Variants in AKR1C8 observed in about 807,000 individuals in gnomAD.
AKR1C8 encodes the protein aldo-keto reductase family 1 member C-like protein 1.
chr10:5,178,183 T>C, the AKR1C8 span, among the ~76,000 whole-genome samples: 2 of 152,232 alleles, frequency 1.3e-5, no homozygotes, highest in Admixed American at 1.3e-4. Flanking sequence ...TGTTGTGTCT[T>C]TGTTCTCATT....
At chr10:5,139,947 C>A in the AKR1C8 span, among the ~76,000 whole-genome samples, 1 of 152,018 alleles carries the variant, frequency 6.6e-6, no homozygotes, top group Non-Finnish European at 1.5e-5. Context: ...AACAAATTCA[C>A]AAGAAAAAAT....
chr10:5,130,939 G>T, the AKR1C8 span, among the ~76,000 whole-genome samples: 4 of 151,820 alleles, frequency 2.6e-5, no homozygotes, highest in East Asian at 7.7e-4. Flanking sequence ...ACCAGACTTT[G>T]AATTATACTA....
At chr10:5,178,346 A>T in the AKR1C8 span, among the ~76,000 whole-genome samples, 1 of 152,116 alleles carries the variant, frequency 6.6e-6, no homozygotes, top group African/African-American at 2.4e-5. Context: ...TCTGAGAGAC[A>T]GTTTGTTATA....
At chr10:5,159,999 C>A in the AKR1C8 span, 1 of 371,904 alleles carries the variant, frequency 2.7e-6, no homozygotes, top group Non-Finnish European at 5.9e-6. Context: ...TTGCACTTCT[C>A]CAGGGCCTGG....
the AKR1C8 span, among the ~76,000 whole-genome samples, chr10:5,142,649 C>A: frequency 6.6e-6 from 1 of 152,138 alleles, no homozygotes; most frequent in Non-Finnish European, 1.5e-5. Flanking sequence ...CCACCTGTCA[C>A]TGAAGCGGTC....
chr10:5,160,427 G>T, the AKR1C8 span, among the ~76,000 whole-genome samples: 7 of 152,098 alleles, frequency 4.6e-5, no homozygotes, highest in Non-Finnish European at 7.4e-5. Flanking sequence ...TCAAGGGCAG[G>T]TTCACTGTCC....
At chr10:5,174,600 A>C in the AKR1C8 span, among the ~76,000 whole-genome samples, 4 of 152,010 alleles carry the variant, frequency 2.6e-5, no homozygotes, top group East Asian at 7.7e-4. Flanking sequence ...ATACTAGAAA[A>C]ACTCAGACTT....
the AKR1C8 span, among the ~76,000 whole-genome samples, chr10:5,139,135 A>G: frequency 6.6e-6 from 1 of 152,182 alleles, no homozygotes; most frequent in African/African-American, 2.4e-5. Context: ...ACTACAAACC[A>G]CTGCTCAATG....
chr10:5,115,816 AT>A, the AKR1C8 span, among the ~76,000 whole-genome samples: 2 of 152,092 alleles, frequency 1.3e-5, no homozygotes, highest in East Asian at 1.9e-4. Flanking sequence ...TAAAATGAAG[AT>A]TTTTTTTAGT....
At chr10:5,146,693 C>T in the AKR1C8 span, among the ~76,000 whole-genome samples, 1 of 152,254 alleles carries the variant, frequency 6.6e-6, no homozygotes, top group South Asian at 2.1e-4. Flanking sequence ...TGTCTGTTTA[C>T]TCTGCTGACT....
chr10:5,155,645 C>G, the AKR1C8 span: 3 of 456,020 alleles, frequency 6.6e-6, no homozygotes, highest in Admixed American at 7.4e-5. Flanking sequence ...CAGAAAACAG[C>G]CTGTGAGAGA....
the AKR1C8 span, among the ~76,000 whole-genome samples, chr10:5,140,440 A>C: frequency 3.3e-5 from 5 of 152,308 alleles, no homozygotes; most frequent in South Asian, 2.1e-4. Context: ...AATGTGGCAC[A>C]TATACACCAT....
At chr10:5,161,874 A>T in the AKR1C8 span, 1 of 534,510 alleles carries the variant, frequency 1.9e-6, no homozygotes, top group East Asian at 5.5e-5. Flanking sequence ...CAAATGGTAC[A>T]TGAATAATGA....
chr10:5,153,824 G>T, the AKR1C8 span, among the ~76,000 whole-genome samples: 2 of 152,020 alleles, frequency 1.3e-5, no homozygotes, highest in East Asian at 3.9e-4. Flanking sequence ...ATTTGTGTGG[G>T]GACACAGATC....
At chr10:5,146,226 C>G in the AKR1C8 span, among the ~76,000 whole-genome samples, 1 of 150,214 alleles carries the variant, frequency 6.7e-6, no homozygotes, top group Admixed American at 6.6e-5. Context: ...GGAGGGATAG[C>G]ATTGGGAGAT....
the AKR1C8 span, chr10:5,159,781 A>T: frequency 0.23 from 107,765 of 462,630 alleles, 12,923 homozygotes; most frequent in African/African-American, 0.29. Flanking sequence ...AAGAACTCTC[A>T]TCTACACAGA....
the AKR1C8 span, among the ~76,000 whole-genome samples, chr10:5,161,208 G>A: frequency 7.9e-5 from 12 of 152,306 alleles, no homozygotes; most frequent in East Asian, 1.9e-4. Flanking sequence ...TAAGAATGAG[G>A]TCCCTACAGT....
chr10:5,140,658 G>T, the AKR1C8 span, among the ~76,000 whole-genome samples: 1 of 151,086 alleles, frequency 6.6e-6, no homozygotes, highest in African/African-American at 2.4e-5. Context: ...GGGGTGGGGG[G>T]TTGGGGGAGG....
chr10:5,176,543 CA>C, the AKR1C8 span, among the ~76,000 whole-genome samples: 2 of 150,602 alleles, frequency 1.3e-5, no homozygotes, highest in African/African-American at 4.9e-5. Flanking sequence ...ATGGGGATGG[CA>C]TTGAATCTAT....
Sources: allele counts gnomAD v4.1 joint callset (sites outside exome capture counted in the v4.1 genomes callset), GRCh38; gene constraint gnomAD v4.1.1; transcripts MANE v1.5; gene names NCBI Gene and HGNC (gene_info 2026-07-23, HGNC 2026-07-21).